TOPBP1: variants seen among roughly 807,000 people sequenced by gnomAD.
TOPBP1 encodes DNA topoisomerase II binding protein 1, also known as DNA topoisomerase 2-binding protein 1.
A neutral mutation model predicts 167.7 loss-of-function variants in TOPBP1; 28 were observed. The ratio of observed to expected loss-of-function variants is 0.17; its 90% CI spans 0.12 to 0.23. TOPBP1 has a LOEUF of 0.23. Among genes scored for constraint, TOPBP1 ranks in the 10% least tolerant of loss-of-function variants. TOPBP1 has a pLI of 1.00. For missense variants in TOPBP1, 1,554 were observed against 1,809.6 expected, an observed-to-expected ratio of 0.86 and a Z score of 2.56; for synonymous variants, 598 against 611.4, an observed-to-expected ratio of 0.98 and a Z score of 0.32.
chr3:133,624,187 A>G lies in TOPBP1; in HGVS notation c.2805-12T>C. The stretch of plus-strand genomic sequence containing the variant: ...CATCAAAACTCCACCTGAAATAACC[A>G]ATACAAAAAAACAAATAACCAAGAG... On this transcript the variant is annotated splice_polypyrimidine_tract_variant and intron_variant, in intron 16 of 27. Coordinates refer to ENST00000260810, the MANE Select transcript of TOPBP1 (RefSeq NM_007027.4). 1 of 1,610,570 alleles carries G rather than the reference A, an allele frequency of 6.2e-7. No individual in the cohort carries two copies. Among genetic ancestry groups the G allele is most frequent in the South Asian group, 1.1e-5 (1 of 90,594 alleles).
Position 133,644,027 on chromosome 3 carries a change from G to A in TOPBP1, c.1841C>T (p.Thr614Ile). ...CCACTAGTGTTGTCTTACCAGCCAT[G>A]TATTTGTAACAACTTCTCCCACAGT... ...EATVGEVVTN[T>I]WLVTCIDYQT... The change falls in exon 11 of 28, where the codon ACA becomes ATA. Residue 614 changes from threonine to isoleucine, a missense_variant. Thr to Ile is a moderately conservative substitution (Grantham distance 89). Transcript: ENST00000260810. 1 of 1,597,500 alleles carries A rather than the reference G, an allele frequency of 6.3e-7. No individual in the cohort carries two copies.
At chr3:133,648,264 A>G (rs1464821844) in intron 10 of TOPBP1, among the ~76,000 whole-genome samples, 1 of 152,260 alleles carries the variant, frequency 6.6e-6, no homozygotes, top group Non-Finnish European at 1.5e-5. Context: ...AGGAGTTTCT[A>G]AAGGATATTG....
At chr3:133,622,305 C>T (rs1054406502) in intron 19 of TOPBP1, among the ~76,000 whole-genome samples, 16 of 151,340 alleles carry the variant, frequency 1.1e-4, no homozygotes, top group African/African-American at 3.9e-4. Flanking sequence ...ATTCTCCTGC[C>T]TCAGCCTCCC....
chr3:133,621,161 A>C (rs191945039), intron 19 of TOPBP1, among the ~76,000 whole-genome samples: 1 of 152,164 alleles, frequency 6.6e-6, no homozygotes, highest in African/African-American at 2.4e-5. Context: ...ACAGGTGTAC[A>C]TTACCACGCC....
intron 10 of TOPBP1, among the ~76,000 whole-genome samples, chr3:133,646,145 C>CAA (rs762657845): frequency 7.5e-6 from 1 of 133,574 alleles, no homozygotes. Flanking sequence ...GACTGCATCT[C>CAA]AAAAAAAAAA....
intron 12 of TOPBP1, 45 bp from the exon 13 acceptor site, chr3:133,640,215 T>A: frequency 6.6e-7 from 1 of 1,525,856 alleles, no homozygotes; most frequent in Non-Finnish European, 9.0e-7. Flanking sequence ...CATATACAAT[T>A]AACCCGCAAA....
intron 10 of TOPBP1, among the ~76,000 whole-genome samples, chr3:133,648,587 C>G (rs141816685): frequency 2.0e-4 from 30 of 152,244 alleles, no homozygotes; most frequent in African/African-American, 7.0e-4. Context: ...CACCTGAGGT[C>G]GGGAGTTCAA....
In TOPBP1 at chr3:133,617,294, C is replaced by T. The variant is rs1277969130; in HGVS notation, c.3625G>A (p.Glu1209Lys). Residue 1209 changes from glutamate to lysine, a missense_variant, in exon 22 of 28, where the codon GAA becomes AAA. Glu to Lys is a moderately conservative substitution (Grantham distance 56). Transcript: ENST00000260810. ...VCDPGNIRVT[E>K]APKHPISEEL... ...TCAGAGATTGGGTGTTTGGGAGCTT[C>T]AGTCACACGTATGTTTCCAGGATCA... 1 of 1,612,984 alleles carries T rather than the reference C, an allele frequency of 6.2e-7. No individual in the cohort carries two copies. The highest frequency in any genetic ancestry group is 8.5e-7 in the Non-Finnish European group (1 of 1,179,494).
In TOPBP1 at chr3:133,644,332, A is replaced by C. The variant is rs374328158; in HGVS notation, c.1536T>G (p.Phe512Leu). 2.2e-5 allele frequency: 35 copies of C among 1,593,548 alleles called. No individual in the cohort carries two copies. Among genetic ancestry groups the C allele is most frequent in the African/African-American group, 2.7e-5 (2 of 73,642 alleles). The change falls in exon 11 of 28, where the codon TTT (phenylalanine) becomes TTG (leucine). Residue 512 changes from phenylalanine (F) to leucine (L), a missense_variant. By Grantham distance (22) the Phe-to-Leu change is conservative. Around this residue, in one of 3 missense-constraint regions of TOPBP1, gnomAD observed 1,197 missense variants for 1,351.5 expected, o/e 0.89. Coordinates refer to ENST00000260810, the MANE Select transcript of TOPBP1 (RefSeq NM_007027.4). Reference protein sequence around the residue: ...VEAKTSEARPFNDSTHAEPLN... With the variant: ...VEAKTSEARPLNDSTHAEPLN... ...AGGGCTCAGCATGAGTAGAATCATT[A>C]AAGGGCCTGGCTTCAGACGTCTTAG...
intron 14 of TOPBP1, among the ~76,000 whole-genome samples, chr3:133,630,088 ATG>A (rs1935418558): frequency 6.6e-6 from 1 of 151,930 alleles, no homozygotes; most frequent in Non-Finnish European, 1.5e-5. Context: ...GCCTGGCTAT[ATG>A]TATATTTATA....
chr3:133,633,714 T>G (rs1209489529), intron 14 of TOPBP1, among the ~76,000 whole-genome samples: 1 of 152,108 alleles, frequency 6.6e-6, no homozygotes, highest in Non-Finnish European at 1.5e-5. Context: ...ATTGCTTGAG[T>G]CCAGAGGTCA....
At position 133,608,715 on chromosome 3, in the gene TOPBP1, A is replaced by G. The variant is rs376437663; in HGVS notation, c.4264-19T>C. On this transcript the variant is annotated intron_variant, in intron 26 of 27. Coordinates refer to ENST00000260810, the MANE Select transcript of TOPBP1 (RefSeq NM_007027.4). ...GTAGCACCTAATGAAAAAACAAGGT[A>G]GTATCACAATCTACCAGTATTCCAA... The G allele has an allele frequency of 3.6e-5, 58 of 1,612,102 alleles. No homozygotes were observed. In the African/African-American group the frequency reaches 7.6e-4, roughly 21 times the overall value.
intron 16 of TOPBP1, among the ~76,000 whole-genome samples, chr3:133,624,752 CTATA>C (rs906546790): frequency 1.3e-5 from 2 of 152,104 alleles, no homozygotes; most frequent in African/African-American, 4.8e-5. Context: ...CCAAAACAGA[CTATA>C]TATATTTTAC....
Position 133,601,250 on chromosome 3 carries a change from T to C in TOPBP1, c.4569A>G (p.Ter1523=). 1.3e-6 allele frequency: 2 copies of C among 1,595,158 alleles called. No individual in the cohort carries two copies. Among genetic ancestry groups the C allele is most frequent in the Non-Finnish European group, 8.5e-7 (1 of 1,175,140 alleles). Residue 1523 remains the stop codon, a stop_retained_variant, in exon 28 of 28, where the codon TAA becomes TAG. Transcript: ENST00000260810. ...TTTGGTAACTAAAGGGTAGATGCGATTAGTGTACTCTAGGTCGTTTGATTT... is the reference window on the plus strand; with the variant it reads ...TTTGGTAACTAAAGGGTAGATGCGACTAGTGTACTCTAGGTCGTTTGATTT... ...KNKIKRPRVH[*]
rs1576680025 is a variant in TOPBP1, at chr3:133,612,461, T to G, written c.3963A>C (p.Ser1321=). 6.2e-7 allele frequency: 1 copy of G among 1,614,012 alleles called. No individual in the cohort carries two copies. Residue 1321 remains serine, a synonymous_variant, in exon 24 of 28, where the codon TCA becomes TCC. Coordinates refer to ENST00000260810, the MANE Select transcript of TOPBP1 (RefSeq NM_007027.4). ...GAAGCACCCACTTCCCAGCTGCCAC[T>G]GAGGCTAAATACTTCTCGTTTCGAA... ...HPLRNEKYLA[S]VAAGKWVLHR... is the part of the protein sequence containing the mutation.
chr3:133,602,358 G>C (rs2107763617), intron 27 of TOPBP1, among the ~76,000 whole-genome samples: 1 of 152,334 alleles, frequency 6.6e-6, no homozygotes, highest in South Asian at 2.1e-4. Flanking sequence ...AGCTAGAATT[G>C]ATCCCCAATC....
intron 27 of TOPBP1, among the ~76,000 whole-genome samples, chr3:133,605,199 A>C (rs77102052): frequency 7.0e-6 from 1 of 142,790 alleles, no homozygotes; most frequent in Non-Finnish European, 1.5e-5. Context: ...ACCGTGTCTC[A>C]AAAAAAAAAA....
chr3:133,643,291 T>G lies in TOPBP1; in HGVS notation c.1930A>C (p.Thr644Pro). ...GAAATAACACAATCCTCTAAAGGAG[T>G]CATTCCTGTCATTACTGGAACTGGT... ...FTPVPVMTGM[T>P]PLEDCVISFS... Residue 644 changes from threonine (T) to proline (P), a missense_variant, in exon 12 of 28, where the codon ACT (threonine) becomes CCT (proline). Physicochemically the swap from Thr to Pro is conservative, Grantham distance 38. Around this residue, in one of 3 missense-constraint regions of TOPBP1, gnomAD observed 1,197 missense variants for 1,351.5 expected, o/e 0.89. Transcript: ENST00000260810. 1.2e-6 allele frequency: 2 copies of G among 1,612,894 alleles called. No homozygotes were observed. The highest frequency in any genetic ancestry group is 2.2e-5 in the South Asian group (2 of 90,944).
intron 7 of TOPBP1, among the ~76,000 whole-genome samples, chr3:133,652,886 G>C (rs1247967553): frequency 6.6e-6 from 1 of 152,092 alleles, no homozygotes; most frequent in Non-Finnish European, 1.5e-5. Context: ...ATCTGAAGTT[G>C]CTGACTTTAA....
Sources: gnomAD v4.1 joint callset for allele counts (sites outside exome capture counted in the v4.1 genomes callset) on GRCh38, gnomAD v4.1.1 for gene constraint, gnomAD v4.1.1 regional missense constraint, MANE v1.5 for transcripts, NCBI Gene and HGNC (gene_info 2026-07-23, HGNC 2026-07-21) for gene names.